Variants in GRIK2 observed in about 807,000 individuals in gnomAD.
GRIK2 encodes glutamate ionotropic receptor kainate type subunit 2, also known as glutamate receptor ionotropic, kainate 2.
A neutral mutation model predicts 100.3 loss-of-function variants in GRIK2; 32 were observed. That is an observed-to-expected ratio of 0.32 (90% CI 0.24 to 0.43). The LOEUF is 0.43. Among genes scored for constraint, GRIK2 ranks in the 20% least tolerant of loss-of-function variants. GRIK2 has a pLI of 1.00. For synonymous variants in GRIK2, 417 were observed against 389.4 expected (o/e 1.07, Z -0.83); for missense variants, 843 against 1,114.9 (o/e 0.76, Z 3.47).
At chr6:101,471,881 T>C (rs1260067080) in intron 2 of GRIK2, among the ~76,000 whole-genome samples, 1 of 151,900 alleles carries the variant, frequency 6.6e-6, no homozygotes, top group African/African-American at 2.4e-5. Flanking sequence ...ATTATGTATA[T>C]AGATGAACAG....
At chr6:101,972,544 T>C (rs927347013) in intron 14 of GRIK2, among the ~76,000 whole-genome samples, 1 of 147,016 alleles carries the variant, frequency 6.8e-6, no homozygotes, top group African/African-American at 2.6e-5. Flanking sequence ...TTCTATTCTG[T>C]AGGTTGTCTG....
At chr6:101,794,341 C>T (rs901633420) in intron 7 of GRIK2, among the ~76,000 whole-genome samples, 12 of 151,860 alleles carry the variant, frequency 7.9e-5, no homozygotes, top group South Asian at 2.1e-4. Flanking sequence ...TGTTCCTATT[C>T]GGTCATCTTG....
In GRIK2 at chr6:102,032,450, G is replaced by A. The variant is rs536835940; in HGVS notation, c.2086-2891G>A. Among the ~76,000 whole-genome samples, 3 of 151,316 alleles carry A rather than the reference G, an allele frequency of 2.0e-5. No individual in the cohort carries two copies. The South Asian group carries it at 6.2e-4, about 31-fold the overall frequency. On this transcript the variant is annotated intron_variant, in intron 14 of 16. Coordinates refer to ENST00000369134, the MANE Select transcript of GRIK2 (RefSeq NM_021956.5). ...CTGAGTGAGCTTAAGATGGGGCCTG[G>A]AGGTCAGAAGGAGCCTGCCTAAAGT...
At chr6:101,936,773 G>A (rs1790644698) in intron 14 of GRIK2, among the ~76,000 whole-genome samples, 1 of 152,154 alleles carries the variant, frequency 6.6e-6, no homozygotes, top group Non-Finnish European at 1.5e-5. Context: ...CAGATGTGAA[G>A]GCTAGTTGGC....
At chr6:101,510,571 G>C (rs1481598534) in intron 2 of GRIK2, among the ~76,000 whole-genome samples, 6 of 136,318 alleles carry the variant, frequency 4.4e-5, no homozygotes, top group African/African-American at 1.7e-4. Flanking sequence ...AGGCTGGGCT[G>C]GAGTGCAGTG....
intron 2 of GRIK2, among the ~76,000 whole-genome samples, chr6:101,452,630 A>G (rs947963126): frequency 6.6e-6 from 1 of 151,822 alleles, no homozygotes; most frequent in Non-Finnish European, 1.5e-5. Context: ...TCAATGCTTA[A>G]GTCAGTCTTA....
At chr6:101,883,263 C>T (rs1402239894) in intron 11 of GRIK2, among the ~76,000 whole-genome samples, 5 of 148,022 alleles carry the variant, frequency 3.4e-5, no homozygotes, top group South Asian at 2.1e-4. Context: ...AATGAAAATA[C>T]AAACCTCAAG....
intron 1 of GRIK2, among the ~76,000 whole-genome samples, chr6:101,398,457 T>C (rs76433439): frequency 0.032 from 4,920 of 152,280 alleles, 86 homozygotes; most frequent in Non-Finnish European, 0.045. Context: ...CAATCTATAT[T>C]CATTCCTGGT....
chr6:101,831,574 A>G (rs1782697057), intron 10 of GRIK2, among the ~76,000 whole-genome samples: 1 of 152,184 alleles, frequency 6.6e-6, no homozygotes, highest in Admixed American at 6.6e-5. Context: ...TGTTGGAATG[A>G]CAGATACTGA....
At chr6:101,980,891 C>CA (rs1793676398) in intron 14 of GRIK2, among the ~76,000 whole-genome samples, 1 of 124,768 alleles carries the variant, frequency 8.0e-6, no homozygotes, top group Non-Finnish European at 1.7e-5. Context: ...CCATTTTTTC[C>CA]TTTTTTTTTT....
chr6:101,925,028 A>T (rs553337464), intron 13 of GRIK2, among the ~76,000 whole-genome samples: 1 of 152,172 alleles, frequency 6.6e-6, no homozygotes, highest in African/African-American at 2.4e-5. Context: ...CATTTAAACT[A>T]CTACAAAGAT....
At chr6:101,910,849 A>ACACGCGCACACACACACACGCG (rs1303583177) in intron 12 of GRIK2, among the ~76,000 whole-genome samples, 2 of 150,746 alleles carry the variant, frequency 1.3e-5, no homozygotes, top group African/African-American at 4.9e-5. Flanking sequence ...CCACACACAC[A>ACACGCGCACACACACACACGCG]CACACACACA....
In GRIK2 at chr6:101,784,694, C is replaced by T. The variant is rs578250411; in HGVS notation, c.952-14954C>T. Among the ~76,000 whole-genome samples the T allele has an allele frequency of 2.4e-4, 36 of 152,216 alleles. No homozygotes were observed. The South Asian group carries it at 7.0e-3, about 30-fold the overall frequency. On this transcript the variant is annotated intron_variant, in intron 7 of 16. Coordinates refer to ENST00000369134, the MANE Select transcript of GRIK2 (RefSeq NM_021956.5). ...GATAGTGAGGGAATTCTCATGAGATCTGATGGTTTTATAAGTGGCAGTTTT... is the reference window on the plus strand; with the variant it reads ...GATAGTGAGGGAATTCTCATGAGATTTGATGGTTTTATAAGTGGCAGTTTT...
chr6:101,744,096 C>A (rs1227381718), intron 7 of GRIK2, among the ~76,000 whole-genome samples: 3 of 151,970 alleles, frequency 2.0e-5, no homozygotes, highest in Admixed American at 1.3e-4. Flanking sequence ...GCGCCCGCCA[C>A]CACGCCCGGC....
intron 10 of GRIK2, among the ~76,000 whole-genome samples, chr6:101,858,159 A>C (rs1482730945): frequency 6.6e-6 from 1 of 151,892 alleles, no homozygotes; most frequent in African/African-American, 2.4e-5. Context: ...CTATTGACCT[A>C]TTTTATGTTT....
intron 2 of GRIK2, among the ~76,000 whole-genome samples, chr6:101,528,494 A>G (rs2128283862): frequency 6.6e-6 from 1 of 152,236 alleles, no homozygotes; most frequent in South Asian, 2.1e-4. Flanking sequence ...TTAGGTTTTC[A>G]AATTTCAGGT....
chr6:101,604,886 G>A (rs1779375293), intron 2 of GRIK2, among the ~76,000 whole-genome samples: 1 of 151,930 alleles, frequency 6.6e-6, no homozygotes, highest in African/African-American at 2.4e-5. Context: ...CCAGCAGGTA[G>A]CTTGAATCTT....
At chr6:101,731,306 C>T (rs1008215708) in intron 7 of GRIK2, among the ~76,000 whole-genome samples, 2 of 151,862 alleles carry the variant, frequency 1.3e-5, no homozygotes, top group Admixed American at 6.6e-5. Flanking sequence ...ACAAAGGGAA[C>T]GACCATCAAA....
chr6:101,848,489 G>A (rs1276063631), intron 10 of GRIK2, among the ~76,000 whole-genome samples: 1 of 152,048 alleles, frequency 6.6e-6, no homozygotes, highest in African/African-American at 2.4e-5. Context: ...TTTGTTTCAT[G>A]AATGTATTAA....
Sources: gnomAD v4.1 joint callset for allele counts (sites outside exome capture counted in the v4.1 genomes callset) on GRCh38, gnomAD v4.1.1 for gene constraint, MANE v1.5 for transcripts, NCBI Gene and HGNC (gene_info 2026-07-23, HGNC 2026-07-21) for gene names.